Variants in IDO2 observed in about 807,000 individuals in gnomAD.
IDO2 encodes indoleamine 2,3-dioxygenase 2.
Under a neutral mutation model 45.1 loss-of-function variants are expected in IDO2, and 46 were observed. That is an observed-to-expected ratio of 1.02 (90% confidence interval 0.80 to 1.30). The LOEUF (loss-of-function observed/expected upper bound fraction) is 1.30. Ranked by LOEUF, IDO2 falls within the 50% of genes most tolerant of loss-of-function variation. The pLI, the probability that IDO2 is intolerant of heterozygous loss-of-function variation, is 0.00. For missense variants in IDO2, 544 were observed against 491.8 expected (o/e 1.11, Z -1.00); for synonymous variants, 218 against 184.9 (o/e 1.18, Z -1.45).
At chr8:39,948,355 T>A (rs764159340) in intron 1 of IDO2, among the ~76,000 whole-genome samples, 1 of 152,240 alleles carries the variant, frequency 6.6e-6, no homozygotes, top group Non-Finnish European at 1.5e-5. Flanking sequence ...ATCACTGGAA[T>A]AATTGTCTGC....
intron 5 of IDO2, among the ~76,000 whole-genome samples, chr8:39,983,846 C>A (rs746354845): frequency 1.7e-5 from 2 of 119,062 alleles, no homozygotes; most frequent in Non-Finnish European, 3.4e-5. Context: ...GCCTAGGTGA[C>A]AAACTCTGTC....
intron 3 of IDO2, among the ~76,000 whole-genome samples, chr8:39,968,389 T>C (rs1485510508): frequency 6.6e-6 from 1 of 152,148 alleles, no homozygotes; most frequent in East Asian, 1.9e-4. Flanking sequence ...AAAGGTAATA[T>C]ATAGGGGAAT....
chr8:39,949,187 G>T (rs1479519456), exon 2 of IDO2: 2 of 1,608,558 alleles, frequency 1.2e-6, no homozygotes, highest in East Asian at 4.5e-5. Flanking sequence ...CAGACCGAAT[G>T]TGAAGACAGC....
At chr8:39,997,416 G>A (rs923389349) in intron 8 of IDO2, among the ~76,000 whole-genome samples, 3 of 152,100 alleles carry the variant, frequency 2.0e-5, no homozygotes, top group African/African-American at 4.8e-5. Context: ...GCTCATGCCT[G>A]TAATCCAAGC....
At chr8:39,993,237 T>TC (rs781207221) in intron 8 of IDO2, among the ~76,000 whole-genome samples, 12 of 152,084 alleles carry the variant, frequency 7.9e-5, no homozygotes, top group Non-Finnish European at 1.5e-4. Flanking sequence ...TTTTTTTTTT[T>TC]CTTCTTTTTT....
At chr8:39,945,404 C>G (rs887912416) in intron 1 of IDO2, among the ~76,000 whole-genome samples, 15 of 152,192 alleles carry the variant, frequency 9.9e-5, no homozygotes, top group African/African-American at 3.1e-4. Context: ...TCTTTCAGCC[C>G]TCTGAGGTCA....
At chr8:39,984,929 T>TTATA in intron 5 of IDO2, 1 of 433,738 alleles carries the variant, frequency 2.3e-6, no homozygotes, top group Non-Finnish European at 4.6e-6. Context: ...AATAACTTAT[T>TTATA]TATTTATTTA....
intron 4 of IDO2, among the ~76,000 whole-genome samples, chr8:39,982,440 AT>A (rs1334835907): frequency 2.0e-5 from 3 of 152,082 alleles, no homozygotes; most frequent in Non-Finnish European, 4.4e-5. Context: ...TTTCACATAT[AT>A]TGCACCGTGT....
At chr8:39,985,699 AG>A (rs1808412328) in intron 6 of IDO2, 177 bp downstream of exon 6, 1 of 609,040 alleles carries the variant, frequency 1.6e-6, no homozygotes, top group Non-Finnish European at 2.9e-6. Flanking sequence ...AAAATTTAAC[AG>A]TGATTGCCTC....
chr8:40,005,296 A>G (rs2129595351), intron 8 of IDO2, 31 bp from the exon 9 acceptor site: 1 of 1,526,904 alleles, frequency 6.5e-7, no homozygotes, highest in Non-Finnish European at 8.9e-7. Flanking sequence ...CTTTGCCTGT[A>G]GTAAAGTTCA....
intron 9 of IDO2, among the ~76,000 whole-genome samples, chr8:40,006,736 C>T (rs751628411): frequency 3.0e-4 from 45 of 151,966 alleles, no homozygotes; most frequent in African/African-American, 2.7e-4. Context: ...TCTTGGCTCA[C>T]GGCAACCTCT....
rs551022293 is a variant in IDO2, at chr8:39,984,950, G to A, written c.435-558G>A. On this transcript the variant is annotated intron_variant, in intron 5 of 10. Coordinates refer to ENST00000502986, the Ensembl canonical transcript of IDO2. ...TTATTTATTTATTTATTTATTTTCA[G>A]AGACGGAGTCTCCCTCTGTCTCCCA... 7.3e-4 allele frequency: 285 copies of A among 387,992 alleles called. 1 individual carries two copies. Among genetic ancestry groups the A allele is most frequent in the South Asian group, 1.3e-3 (69 of 53,000 alleles). 24.0% of individuals were successfully genotyped at this position (387,992 alleles called of 1,614,324 possible). A position where few individuals can be genotyped will look rare whatever the true frequency, so the allele number is the denominator to read the frequency against.
chr8:39,939,754 AG>A (rs1807616323), intron 1 of IDO2, among the ~76,000 whole-genome samples: 2 of 152,082 alleles, frequency 1.3e-5, no homozygotes, highest in Admixed American at 1.3e-4. Flanking sequence ...AATCAACGAA[AG>A]GACTTAAATG....
At position 39,953,753 on chromosome 8, in the gene IDO2, C is replaced by T. The variant is rs182903535; in HGVS notation, c.99+4489C>T. Among the ~76,000 whole-genome samples the T allele has an allele frequency of 3.3e-4, 50 of 152,076 alleles. 2 individuals carry two copies. The East Asian group carries it at 6.6e-3, about 20-fold the overall frequency. On this transcript the variant is annotated intron_variant, in intron 2 of 10. Transcript: ENST00000502986. Reference sequence around the variant, plus strand: ...AGCTAATTTTTGTATTTTTAGTAGACGGGGTTTCGCCATGTTGGCCAGGCT... The same window carrying T: ...AGCTAATTTTTGTATTTTTAGTAGATGGGGTTTCGCCATGTTGGCCAGGCT...
At chr8:39,971,411 A>G (rs1808177438) in intron 3 of IDO2, among the ~76,000 whole-genome samples, 2 of 152,200 alleles carry the variant, frequency 1.3e-5, no homozygotes. Context: ...TACAGGAAAT[A>G]AATGTTGTTT....
intron 1 of IDO2, among the ~76,000 whole-genome samples, chr8:39,938,685 CAT>C (rs1246657386): frequency 6.6e-6 from 1 of 152,020 alleles, no homozygotes; most frequent in African/African-American, 2.4e-5. Flanking sequence ...TTGCAAAAGA[CAT>C]ATGTGATAAA....
At chr8:39,951,866 C>T (rs1490035172) in intron 2 of IDO2, among the ~76,000 whole-genome samples, 1 of 152,206 alleles carries the variant, frequency 6.6e-6, no homozygotes, top group Non-Finnish European at 1.5e-5. Context: ...CCTCTTTGTT[C>T]TTTCCTCTTT....
In IDO2 at chr8:39,988,014, G is replaced by T. The variant is rs1263436553; in HGVS notation, c.549+44G>T. 4 of 1,146,510 alleles carry T rather than the reference G, an allele frequency of 3.5e-6. No individual in the cohort carries two copies. In the African/African-American group the frequency reaches 6.1e-5, roughly 17 times the overall value. The allele number at this position is 1,146,510 out of a possible 1,614,324, so 71.0% of individuals were successfully genotyped here. A position where few individuals can be genotyped will look rare whatever the true frequency, so the allele number is the denominator to read the frequency against. On this transcript the variant is annotated intron_variant, in intron 7 of 10. Coordinates refer to ENST00000502986, the Ensembl canonical transcript of IDO2. The stretch of plus-strand genomic sequence containing the variant: ...GCACCTTTTCTTTTTAAATGAGCTT[G>T]AGCTTTACTTCCCACTCAGTGCCTT...
At position 40,015,233 on chromosome 8, in the gene IDO2, A is replaced by C; in HGVS notation, c.869-14A>C. ...ATGTGGAGCTATGACGTTATGCTGT[A>C]TTGTTTCTTTCAGGTGACTTTCTGT... On this transcript the variant is annotated splice_polypyrimidine_tract_variant and intron_variant, in intron 10 of 10. Transcript: ENST00000502986. 6.9e-7 allele frequency: 1 copy of C among 1,441,830 alleles called. No homozygotes were observed. The highest frequency in any genetic ancestry group is 9.7e-7 in the Non-Finnish European group (1 of 1,034,432). 89.3% of individuals were successfully genotyped at this position (1,441,830 alleles called of 1,614,324 possible).
Sources: allele counts gnomAD v4.1 joint callset (sites outside exome capture counted in the v4.1 genomes callset), GRCh38; gene constraint gnomAD v4.1.1; transcripts MANE v1.5; gene names NCBI Gene and HGNC (gene_info 2026-07-23, HGNC 2026-07-21).